CORO2A: variants seen among roughly 807,000 people sequenced by gnomAD.
CORO2A encodes coronin-2A.
In CORO2A, 47 loss-of-function variants were observed where a neutral mutation model predicts 62.4. The observed-to-expected ratio is 0.75, with a 90% CI of 0.60 to 0.96. The LOEUF is 0.96. CORO2A is among the 40% of genes least tolerant of loss of function. CORO2A has a pLI of 0.00. For synonymous variants in CORO2A, 273 were observed against 268.9 expected, an observed-to-expected ratio of 1.02 and a Z score of -0.15; for missense variants, 610 against 684.1, an observed-to-expected ratio of 0.89 and a Z score of 1.21.
At chr9:98,169,125 G>C (rs945042717) in intron 1 of CORO2A, among the ~76,000 whole-genome samples, 1 of 152,184 alleles carries the variant, frequency 6.6e-6, no homozygotes, top group Non-Finnish European at 1.5e-5. Context: ...ACCATCACCA[G>C]CGAGGCAGAA....
rs1208190086 is a variant in CORO2A, at chr9:98,127,059, T to C, written c.1172-236A>G. 4 of 577,270 alleles carry C rather than the reference T, an allele frequency of 6.9e-6. No homozygotes were observed. The African/African-American group carries it at 7.5e-5, about 11-fold the overall frequency. 35.8% of individuals were successfully genotyped at this position (577,270 alleles called of 1,614,324 possible). A position where few individuals can be genotyped will look rare whatever the true frequency, so the allele number is the denominator to read the frequency against. ...AGCTTGGTTTGTAGGAACAGCACGG[T>C]GCGTGCACTGAAGCAGCCCCCAAAC... On this transcript the variant is annotated intron_variant, in intron 10 of 11. Coordinates refer to ENST00000375077, the MANE Select transcript of CORO2A (RefSeq NM_052820.4).
intron 2 of CORO2A, among the ~76,000 whole-genome samples, chr9:98,155,922 C>T (rs959514451): frequency 1.3e-5 from 2 of 152,046 alleles, no homozygotes; most frequent in Non-Finnish European, 2.9e-5. Flanking sequence ...TCACCCTTTT[C>T]TAAAAACAAA....
chr9:98,176,400 T>C (rs193130710), intron 1 of CORO2A, among the ~76,000 whole-genome samples: 2 of 152,290 alleles, frequency 1.3e-5, no homozygotes, highest in Admixed American at 1.3e-4. Context: ...ACCAGTCTAG[T>C]GATGGGGAGC....
In CORO2A at chr9:98,124,058, G is replaced by A. The variant is rs1206346854; in HGVS notation, c.*716C>T. 3 of 147,262 alleles carry A rather than the reference G, an allele frequency of 2.0e-5. No homozygotes were observed. Among genetic ancestry groups the A allele is most frequent in the Non-Finnish European group, 4.5e-5 (3 of 67,330 alleles). The allele number at this position is 147,262 out of a possible 1,614,324, so 9.1% of individuals were successfully genotyped here. A position where few individuals can be genotyped will look rare whatever the true frequency, so the allele number is the denominator to read the frequency against. On this transcript the variant is annotated 3_prime_UTR_variant, in exon 12 of 12. Coordinates refer to ENST00000375077, the MANE Select transcript of CORO2A (RefSeq NM_052820.4). ...GACAGACTTTTGCTCTTATTGCCCA[G>A]GTTAGAGTGCAGTGGCACAATCTCA...
At chr9:98,164,691 C>T (rs1827935162) in intron 1 of CORO2A, among the ~76,000 whole-genome samples, 1 of 152,212 alleles carries the variant, frequency 6.6e-6, no homozygotes, top group South Asian at 2.1e-4. Context: ...CTTGCACCGG[C>T]CAGCAACAAG....
intron 5 of CORO2A, 151 bp downstream of exon 5, chr9:98,132,887 A>G: frequency 1.2e-6 from 1 of 855,566 alleles, no homozygotes; most frequent in Non-Finnish European, 1.8e-6. Flanking sequence ...CCCACCTTCC[A>G]GCAATCCCGA....
chr9:98,154,637 A>C (rs896113513), intron 2 of CORO2A, among the ~76,000 whole-genome samples: 2 of 152,094 alleles, frequency 1.3e-5, no homozygotes, highest in Non-Finnish European at 2.9e-5. Flanking sequence ...CTATGTAATT[A>C]TGCAACTGTT....
intron 1 of CORO2A, among the ~76,000 whole-genome samples, chr9:98,163,853 G>A (rs1827924453): frequency 6.6e-6 from 1 of 152,020 alleles, no homozygotes; most frequent in South Asian, 2.1e-4. Context: ...CAGGACAAGG[G>A]TTAGCTGCAG....
intron 10 of CORO2A, among the ~76,000 whole-genome samples, chr9:98,127,667 AGCTGGGCATGGTGGCACGTGCCT>A (rs2118792867): frequency 6.6e-6 from 1 of 152,138 alleles, no homozygotes; most frequent in Non-Finnish European, 1.5e-5. Flanking sequence ...ACGAAAAATT[AGCTGGGCATGGTGGCACGTGCCT>A]GTAGTCCCAG....
At chr9:98,172,520 T>G (rs557439020) in intron 1 of CORO2A, 1 of 135,428 alleles carries the variant, frequency 7.4e-6, no homozygotes, top group Non-Finnish European at 1.6e-5. Context: ...ACCCCACTTC[T>G]GAGATCGACC....
intron 9 of CORO2A, 90 bp downstream of exon 9, chr9:98,128,517 G>T (rs1827360137): frequency 8.5e-7 from 1 of 1,178,808 alleles, no homozygotes; most frequent in Non-Finnish European, 1.3e-6. Context: ...ATGAACGTGG[G>T]CTCCAGGCTC....
At chr9:98,128,789 G>C in intron 8 of CORO2A, 70 bp from the exon 9 acceptor site, 1 of 1,261,382 alleles carries the variant, frequency 7.9e-7, no homozygotes, top group East Asian at 2.3e-5. Context: ...CCAAAGCCAG[G>C]CTGCACACCT....
chr9:98,154,329 G>GTATATATATATATATGTATATA (rs1554744991), intron 2 of CORO2A, among the ~76,000 whole-genome samples: 16 of 88,962 alleles, frequency 1.8e-4, no homozygotes, highest in African/African-American at 8.7e-4. Context: ...GTGTTTGTGT[G>GTATATATATATATATGTATATA]TATATATATA....
chr9:98,148,409 AATAAG>A (rs917104665), intron 2 of CORO2A, among the ~76,000 whole-genome samples: 3 of 149,512 alleles, frequency 2.0e-5, no homozygotes, highest in African/African-American at 7.4e-5. Context: ...AAAAAAAAAA[AATAAG>A]ATAAATAAAT....
intron 1 of CORO2A, among the ~76,000 whole-genome samples, chr9:98,185,599 G>A (rs1828229221): frequency 6.6e-6 from 1 of 152,234 alleles, no homozygotes; most frequent in Non-Finnish European, 1.5e-5. Context: ...GTGAAAGGGA[G>A]GTTGGCAGGA....
chr9:98,184,938 C>T (rs10217398), intron 1 of CORO2A, among the ~76,000 whole-genome samples: 11,688 of 152,212 alleles, frequency 0.077, 624 homozygotes, highest in Non-Finnish European at 0.11. Flanking sequence ...GTTCATAAAG[C>T]GCCTCCTTAC....
chr9:98,126,261 C>A (rs942599914), intron 11 of CORO2A, among the ~76,000 whole-genome samples: 1 of 150,596 alleles, frequency 6.6e-6, no homozygotes, highest in Non-Finnish European at 1.5e-5. Context: ...GTCTTGAACT[C>A]CTGACCTCAT....
At chr9:98,126,528 C>T (rs1418337258) in intron 11 of CORO2A, 21 bp downstream of exon 11, 1 of 1,604,136 alleles carries the variant, frequency 6.2e-7, no homozygotes, top group Non-Finnish European at 8.5e-7. Context: ...TGTGAAAGGC[C>T]CACCCCGTCC....
intron 3 of CORO2A, among the ~76,000 whole-genome samples, chr9:98,136,727 C>G (rs1827490609): frequency 6.6e-6 from 1 of 152,244 alleles, no homozygotes; most frequent in African/African-American, 2.4e-5. Context: ...GAAAAATATC[C>G]TACCTTGTGG....
Sources: gnomAD v4.1 joint callset for allele counts (sites outside exome capture counted in the v4.1 genomes callset) on GRCh38, gnomAD v4.1.1 for gene constraint, MANE v1.5 for transcripts, NCBI Gene and HGNC (gene_info 2026-07-23, HGNC 2026-07-21) for gene names.